Variants in ARK2N observed in about 807,000 individuals in gnomAD.
The protein encoded by ARK2N is protein ARK2N.
At chr18:46,174,536 T>C in the ARK2N span, among the ~76,000 whole-genome samples, 4 of 152,004 alleles carry the variant, frequency 2.6e-5, no homozygotes, top group Admixed American at 2.6e-4. Flanking sequence ...CGCTGGGGCA[T>C]CGCACCTCTC....
the ARK2N span, among the ~76,000 whole-genome samples, chr18:46,185,800 A>G: frequency 6.6e-6 from 1 of 152,188 alleles, no homozygotes; most frequent in African/African-American, 2.4e-5. Context: ...CAGCCTGGCC[A>G]ACATGATGAA....
the ARK2N span, among the ~76,000 whole-genome samples, chr18:46,196,896 C>T: frequency 1.3e-5 from 2 of 152,136 alleles, no homozygotes; most frequent in Non-Finnish European, 2.9e-5. Context: ...TGAACCTCTC[C>T]AAGAGTGCCC....
chr18:46,202,632 A>G, the ARK2N span, among the ~76,000 whole-genome samples: 1 of 152,062 alleles, frequency 6.6e-6, no homozygotes, highest in African/African-American at 2.4e-5. Flanking sequence ...TACTAAAAAT[A>G]CAAAAATTAG....
the ARK2N span, among the ~76,000 whole-genome samples, chr18:46,234,887 A>C: frequency 1.3e-5 from 2 of 152,156 alleles, no homozygotes; most frequent in Non-Finnish European, 1.5e-5. Context: ...AGGTATGGCA[A>C]AGAGGAGGAA....
At chr18:46,262,902 T>C in the ARK2N span, 1 of 1,605,920 alleles carries the variant, frequency 6.2e-7, no homozygotes, top group African/African-American at 1.3e-5. Flanking sequence ...GAATTAACCA[T>C]GCTTTTGTTC....
At chr18:46,259,659 G>A in the ARK2N span, among the ~76,000 whole-genome samples, 2 of 151,998 alleles carry the variant, frequency 1.3e-5, no homozygotes, top group African/African-American at 4.8e-5. Flanking sequence ...AGGCTGGAGT[G>A]CAGTAGCATG....
the ARK2N span, among the ~76,000 whole-genome samples, chr18:46,195,750 A>G: frequency 6.6e-6 from 1 of 150,950 alleles, no homozygotes; most frequent in African/African-American, 2.4e-5. Context: ...TGATTTTTGT[A>G]TTTTTAGTAG....
the ARK2N span, among the ~76,000 whole-genome samples, chr18:46,226,224 T>C: frequency 6.6e-6 from 1 of 152,264 alleles, no homozygotes; most frequent in African/African-American, 2.4e-5. Flanking sequence ...ATATTTGCTA[T>C]GTGCCTACTA....
At chr18:46,190,045 A>T in the ARK2N span, among the ~76,000 whole-genome samples, 5 of 152,154 alleles carry the variant, frequency 3.3e-5, no homozygotes, top group Admixed American at 2.0e-4. Flanking sequence ...TATCTATCTA[A>T]ATATATTTTG....
chr18:46,183,669 C>G, the ARK2N span, among the ~76,000 whole-genome samples: 49 of 152,036 alleles, frequency 3.2e-4, no homozygotes, highest in East Asian at 9.5e-3. Flanking sequence ...GAAAAGGGCT[C>G]TTTCTACTAT....
chr18:46,228,198 G>A, the ARK2N span, among the ~76,000 whole-genome samples: 39 of 152,126 alleles, frequency 2.6e-4, no homozygotes, highest in East Asian at 7.5e-3. Flanking sequence ...TGAAGTTTAG[G>A]TGTTTTCAGG....
chr18:46,186,874 G>A, the ARK2N span, among the ~76,000 whole-genome samples: 680 of 139,192 alleles, frequency 4.9e-3, 9 homozygotes, highest in African/African-American at 0.017. Context: ...TTTTTTTTTA[G>A]ATGGAGTTTC....
chr18:46,216,205 T>C, the ARK2N span: 1 of 1,613,826 alleles, frequency 6.2e-7, no homozygotes, highest in Non-Finnish European at 8.5e-7. The surrounding 1 kb of genome is among the most constrained non-coding windows in gnomAD (Gnocchi z 4.3). Context: ...TTCAGATACG[T>C]TGTCTTCCGC....
chr18:46,243,153 A>T, the ARK2N span, among the ~76,000 whole-genome samples: 2 of 152,104 alleles, frequency 1.3e-5, no homozygotes, highest in African/African-American at 4.8e-5. Context: ...TGTAGTCTTG[A>T]TGTGATTATC....
the ARK2N span, among the ~76,000 whole-genome samples, chr18:46,228,511 A>G: frequency 6.6e-6 from 1 of 152,220 alleles, no homozygotes; most frequent in African/African-American, 2.4e-5. Flanking sequence ...TTGAATAATC[A>G]GGCAAGAGCT....
the ARK2N span, chr18:46,232,066 A>C: frequency 1.3e-5 from 2 of 152,222 alleles, no homozygotes; most frequent in African/African-American, 2.4e-5. Flanking sequence ...AGTTGTATGC[A>C]GAATGATTTA....
chr18:46,242,464 G>A, the ARK2N span, among the ~76,000 whole-genome samples: 2 of 152,126 alleles, frequency 1.3e-5, no homozygotes, highest in East Asian at 1.9e-4. Context: ...GTAATTGTTA[G>A]CCTATTTAAA....
At chr18:46,250,079 A>G in the ARK2N span, among the ~76,000 whole-genome samples, 1 of 151,298 alleles carries the variant, frequency 6.6e-6, no homozygotes, top group Non-Finnish European at 1.5e-5. Context: ...CTTCAGGATG[A>G]TCTTTATTCT....
At chr18:46,243,163 C>A in the ARK2N span, among the ~76,000 whole-genome samples, 3 of 152,034 alleles carry the variant, frequency 2.0e-5, no homozygotes, top group African/African-American at 4.8e-5. Flanking sequence ...ATGTGATTAT[C>A]ATAGTGGAAC....
Sources: allele counts gnomAD v4.1 joint callset (sites outside exome capture counted in the v4.1 genomes callset), GRCh38; gene constraint gnomAD v4.1.1; non-coding constraint Gnocchi (gnomAD v3.1); transcripts MANE v1.5; gene names NCBI Gene and HGNC (gene_info 2026-07-23, HGNC 2026-07-21).